The following KAT6B variants were observed in gnomAD, a reference collection of about 807,000 sequenced individuals.
The protein encoded by KAT6B is lysine acetyltransferase 6B.
A neutral mutation model predicts 187.5 loss-of-function variants in KAT6B; 10 were observed. The ratio of observed to expected loss-of-function variants is 0.05; its 90% CI spans 0.03 to 0.09. The LOEUF is 0.09. Among genes scored for constraint, KAT6B ranks in the 10% least tolerant of loss-of-function variants. The pLI, the probability that KAT6B is intolerant of heterozygous loss-of-function variation, is 1.00. For missense variants in KAT6B, 1,952 were observed against 2,558.9 expected (o/e 0.76, Z 5.12); for synonymous variants, 861 against 926.8 (o/e 0.93, Z 1.29).
chr10:74,873,196 C>G (rs1043824319), intron 3 of KAT6B, among the ~76,000 whole-genome samples: 4 of 151,634 alleles, frequency 2.6e-5, no homozygotes, highest in African/African-American at 9.7e-5. Flanking sequence ...CATGGTGGCT[C>G]ACGGCTATAA....
intron 3 of KAT6B, among the ~76,000 whole-genome samples, chr10:74,859,994 A>G (rs1185523524): frequency 6.6e-6 from 1 of 152,232 alleles, no homozygotes; most frequent in Non-Finnish European, 1.5e-5. Context: ...AAAATTTTAT[A>G]GCAGAATGAA....
intron 13 of KAT6B, among the ~76,000 whole-genome samples, chr10:75,006,901 C>G (rs1844241352): frequency 6.6e-6 from 1 of 151,856 alleles, no homozygotes; most frequent in African/African-American, 2.4e-5. Flanking sequence ...AACTCCATCT[C>G]TACTAAAATA....
intron 3 of KAT6B, among the ~76,000 whole-genome samples, chr10:74,860,684 A>G (rs563424976): frequency 6.6e-6 from 1 of 152,354 alleles, no homozygotes; most frequent in Non-Finnish European, 1.5e-5. Flanking sequence ...AAGTTACCAC[A>G]TATCTAAATG....
intron 13 of KAT6B, among the ~76,000 whole-genome samples, chr10:75,007,114 C>T (rs533477325): frequency 2.2e-4 from 34 of 151,574 alleles, no homozygotes; most frequent in Non-Finnish European, 4.3e-4. Flanking sequence ...AAAATATAAC[C>T]ATTTTGTAAT....
At chr10:74,885,065 A>AT (rs1845137700) in intron 3 of KAT6B, among the ~76,000 whole-genome samples, 4 of 151,832 alleles carry the variant, frequency 2.6e-5, no homozygotes, top group Non-Finnish European at 5.9e-5. Flanking sequence ...TAATTAATTA[A>AT]TTAATTTATT....
At chr10:74,920,255 G>GT (rs78310006) in intron 3 of KAT6B, among the ~76,000 whole-genome samples, 3,292 of 152,292 alleles carry the variant, frequency 0.022, 155 homozygotes, top group East Asian at 0.17. Flanking sequence ...GTGCAGGCTG[G>GT]TTACTTACAG....
At chr10:75,007,381 C>T (rs1230034826) in intron 13 of KAT6B, among the ~76,000 whole-genome samples, 1 of 151,948 alleles carries the variant, frequency 6.6e-6, no homozygotes. Flanking sequence ...GGTCAAGTGG[C>T]CCCAGTTCAA....
intron 3 of KAT6B, among the ~76,000 whole-genome samples, chr10:74,872,221 C>G (rs1326585975): frequency 6.6e-6 from 1 of 152,194 alleles, no homozygotes; most frequent in African/African-American, 2.4e-5. Context: ...TACATACTCA[C>G]AGAACCTGGA....
chr10:74,872,731 G>A (rs1400940070), intron 3 of KAT6B, among the ~76,000 whole-genome samples: 1 of 150,716 alleles, frequency 6.6e-6, no homozygotes, highest in Non-Finnish European at 1.5e-5. Context: ...TGCCCAGGCT[G>A]GGTGAACTCC....
chr10:75,011,864 T>C (rs549812393), intron 13 of KAT6B, among the ~76,000 whole-genome samples: 2 of 152,280 alleles, frequency 1.3e-5, no homozygotes, highest in Admixed American at 1.3e-4. Context: ...CATCCTCCCC[T>C]GCGTCAGTTC....
rs756800603 is a variant in KAT6B at position 74,975,834 on chromosome 10, C to T, written c.1497C>T (p.Pro499=). ...CTTCTTCACTTCCACCCCCAACCCC[C>T]ATCTCCGGTCAGAGCCCCAGTTCAC... is the stretch of plus-strand genomic sequence containing the variant. ...PPPSSLPPPT[P]ISGQSPSSQK... The change falls in exon 8 of 18, where the codon CCC becomes CCT. Residue 499 remains proline, a synonymous_variant. Coordinates refer to ENST00000287239, the MANE Select transcript of KAT6B (RefSeq NM_012330.4). 11 of 1,614,074 alleles carry T rather than the reference C, an allele frequency of 6.8e-6. No homozygotes were observed. Among genetic ancestry groups the T allele is most frequent in the East Asian group, 2.2e-5 (1 of 44,898 alleles).
intron 3 of KAT6B, among the ~76,000 whole-genome samples, chr10:74,863,342 T>A (rs1335809667): frequency 6.6e-6 from 1 of 152,216 alleles, no homozygotes; most frequent in African/African-American, 2.4e-5. Flanking sequence ...GCTGACTAAA[T>A]AGCTGCATAG....
chr10:74,942,445 T>G (rs966410237), intron 3 of KAT6B, among the ~76,000 whole-genome samples: 2 of 152,066 alleles, frequency 1.3e-5, no homozygotes, highest in Non-Finnish European at 2.9e-5. Flanking sequence ...AAGAAACTTT[T>G]GTCAACCTGA....
chr10:74,958,827 C>T (rs1319310495), intron 3 of KAT6B, among the ~76,000 whole-genome samples: 2 of 151,902 alleles, frequency 1.3e-5, no homozygotes, highest in African/African-American at 4.8e-5. Context: ...ATCATGAGGT[C>T]AGAAGATCGA....
chr10:74,845,773 G>A (rs1248069193), intron 3 of KAT6B, among the ~76,000 whole-genome samples: 1 of 150,244 alleles, frequency 6.7e-6, no homozygotes, highest in Non-Finnish European at 1.5e-5. Context: ...CTCTTGTTTG[G>A]ATACCATGAA....
chr10:74,870,536 T>G (rs1843844188), intron 3 of KAT6B, among the ~76,000 whole-genome samples: 1 of 152,222 alleles, frequency 6.6e-6, no homozygotes, highest in South Asian at 2.1e-4. Flanking sequence ...TTTGATCTTT[T>G]CATTTTCATT....
chr10:74,830,127 G>A (rs1840639211), intron 1 of KAT6B, among the ~76,000 whole-genome samples: 1 of 152,086 alleles, frequency 6.6e-6, no homozygotes, highest in Non-Finnish European at 1.5e-5. Context: ...GATGAGAGAA[G>A]TGGGGTGATG....
chr10:74,844,469 G>T (rs1230444950), intron 3 of KAT6B, among the ~76,000 whole-genome samples: 1 of 152,232 alleles, frequency 6.6e-6, no homozygotes, highest in Non-Finnish European at 1.5e-5. Context: ...AAAGTGTTGG[G>T]ATTACAGGCG....
At chr10:74,920,117 G>A (rs1263261127) in intron 3 of KAT6B, among the ~76,000 whole-genome samples, 1 of 152,106 alleles carries the variant, frequency 6.6e-6, no homozygotes, top group Non-Finnish European at 1.5e-5. Flanking sequence ...TTTTGAAAAA[G>A]TATTTATAGA....
Sources: gnomAD v4.1 joint callset for allele counts (sites outside exome capture counted in the v4.1 genomes callset) on GRCh38, gnomAD v4.1.1 for gene constraint, MANE v1.5 for transcripts, NCBI Gene and HGNC (gene_info 2026-07-23, HGNC 2026-07-21) for gene names.